The following POLI variants were observed in gnomAD, a reference collection of about 807,000 sequenced individuals.
POLI encodes DNA polymerase iota, also known as RAD30 homolog B.
Under a neutral mutation model 51.6 loss-of-function variants are expected in POLI, and 58 were observed. The observed-to-expected ratio is 1.12, with a 90% CI of 0.91 to 1.40. The LOEUF (loss-of-function observed/expected upper bound fraction) is 1.40, where lower values mean the gene tolerates loss of function less well. POLI is among the 40% of genes most tolerant of loss of function. The pLI is 0.00. For synonymous variants in POLI, 322 were observed against 299.7 expected (o/e 1.07, Z -0.77); for missense variants, 921 against 871.3 (o/e 1.06, Z -0.72).
At chr18:54,311,023 G>T (rs2088662747) in intron 3 of POLI, 1 of 767,548 alleles carries the variant, frequency 1.3e-6, no homozygotes, top group Non-Finnish European at 1.6e-6. Flanking sequence ...TTCCTGAAGT[G>T]CTAGGAAGGA....
chr18:54,306,515 G>T (rs1382773034), intron 3 of POLI, among the ~76,000 whole-genome samples: 1 of 148,166 alleles, frequency 6.7e-6, no homozygotes, highest in African/African-American at 2.5e-5. Context: ...TGTTCATCAG[G>T]GATATTGGTC....
At position 54,293,814 on chromosome 18, in the gene POLI, C is replaced by T. The variant is rs2088146536; in HGVS notation, c.1570C>T (p.Pro524Ser). Residue 524 changes from proline (P) to serine (S), a missense_variant, in exon 10 of 10, where the codon CCT becomes TCT. Pro to Ser is a moderately conservative substitution (Grantham distance 74). Transcript: ENST00000579534. ...DINEFPLCSL[P>S]EGVDQEVFKQ... ...TAATGAATTCCCACTCTGTTCACTT[C>T]CTGAAGGTGTTGACCAAGAAGTCTT... The T allele has an allele frequency of 1.2e-6, 2 of 1,609,094 alleles. No homozygotes were observed. Among genetic ancestry groups the T allele is most frequent in the East Asian group, 4.5e-5 (2 of 44,754 alleles).
Position 54,295,289 on chromosome 18 carries a change from C to G in POLI, c.*822C>G. 1 of 983,996 alleles carries G rather than the reference C, an allele frequency of 1.0e-6. No homozygotes were observed. Among genetic ancestry groups the G allele is most frequent in the Non-Finnish European group, 1.2e-6 (1 of 828,636 alleles). The allele number at this position is 983,996 out of a possible 1,614,324, so 61.0% of individuals were successfully genotyped here. Reference sequence around the variant, plus strand: ...CTGAGATGTTTTTGTATCTTCCCTACATTTGGAGATGATATTAGGTTGTCA... The same window carrying G: ...CTGAGATGTTTTTGTATCTTCCCTAGATTTGGAGATGATATTAGGTTGTCA... On this transcript the variant is annotated 3_prime_UTR_variant, in exon 10 of 10. Coordinates refer to ENST00000579534, the MANE Select transcript of POLI (RefSeq NM_007195.3).
At chr18:54,303,415 A>C (rs1288920053) in intron 3 of POLI, among the ~76,000 whole-genome samples, 7 of 152,126 alleles carry the variant, frequency 4.6e-5, no homozygotes, top group African/African-American at 1.7e-4. Flanking sequence ...TTTTCAACAA[A>C]GTCATTTTTA....
intron 6 of POLI, among the ~76,000 whole-genome samples, chr18:54,283,559 T>A (rs2087612071): frequency 6.6e-6 from 1 of 152,122 alleles, no homozygotes; most frequent in Non-Finnish European, 1.5e-5. Flanking sequence ...TTAGAAAGGT[T>A]AAATAACTTG....
chr18:54,294,386 TGAACTACCA>T lies in POLI; in HGVS notation c.2146_2154del (p.Leu716_Glu718del). On this transcript the variant is annotated inframe_deletion, in exon 10 of 10. Transcript: ENST00000579534. ...CTGACATTGATCCTCAAGTTTTCTA[TGAACTACCA>T]GAAGCAGTACAAAAGGAACTGCTGG... 3.7e-6 allele frequency: 6 copies of T among 1,613,554 alleles called. No homozygotes were observed. Among genetic ancestry groups the T allele is most frequent in the Non-Finnish European group, 5.1e-6 (6 of 1,179,650 alleles).
In POLI at chr18:54,274,021, T is replaced by G; in HGVS notation, c.337T>G (p.Cys113Gly). ...GAATGTCAGAGATGCAAAAGAAAAG[T>G]GTCCACAGTTGGTATTAGTTAATGG... ...LMNVRDAKEK[C>G]PQLVLVNGED... is the part of the protein sequence containing the mutation. The change falls in exon 3 of 10, where the codon TGT becomes GGT. Residue 113 changes from cysteine (C) to glycine (G), a missense_variant. By Grantham distance (159) the Cys-to-Gly change is radical. Transcript: ENST00000579534. 6.3e-7 allele frequency: 1 copy of G among 1,579,944 alleles called. No homozygotes were observed. Among genetic ancestry groups the G allele is most frequent in the Non-Finnish European group, 8.6e-7 (1 of 1,161,226 alleles).
rs582474 is a variant in POLI at position 54,269,749 on chromosome 18, G to T, written c.115+88G>T. On this transcript the variant is annotated intron_variant, in intron 1 of 9. Transcript: ENST00000579534. ...GGACGCTCGGGGCGGCGGCCACTGGGGCGCGACCGTCCCCGCCCCACTCGG... is the reference window on the plus strand; with the variant it reads ...GGACGCTCGGGGCGGCGGCCACTGGTGCGCGACCGTCCCCGCCCCACTCGG... 87,283 of 1,404,182 alleles carry T rather than the reference G, an allele frequency of 0.062. 2,981 individuals carry two copies. The highest frequency in any genetic ancestry group is 0.089 in the African/African-American group (5,827 of 65,724). 87.0% of individuals were successfully genotyped at this position (1,404,182 alleles called of 1,614,324 possible). A position where few individuals can be genotyped will look rare whatever the true frequency, so the allele number is the denominator to read the frequency against.
intron 3 of POLI, among the ~76,000 whole-genome samples, chr18:54,316,685 T>C (rs2088737704): frequency 1.3e-5 from 2 of 152,186 alleles, no homozygotes; most frequent in South Asian, 2.1e-4. Flanking sequence ...CTCAGAAAAC[T>C]GTTAGCAGAG....
chr18:54,288,901 A>T lies in POLI; in HGVS notation c.1198+1490A>T, dbSNP rs2087868133. Among the ~76,000 whole-genome samples the T allele has an allele frequency of 2.0e-5, 3 of 152,166 alleles. No homozygotes were observed. In the South Asian group the frequency reaches 6.2e-4, roughly 32 times the overall value. ...CATGGTTGTCTTTAATTCTTTGGACATATCTATAATAATGAATTTGAAGTC... is the reference window on the plus strand; with the variant it reads ...CATGGTTGTCTTTAATTCTTTGGACTTATCTATAATAATGAATTTGAAGTC... On this transcript the variant is annotated intron_variant, in intron 8 of 9. Coordinates refer to ENST00000579534, the MANE Select transcript of POLI (RefSeq NM_007195.3).
At chr18:54,306,442 A>G (rs980282746) in intron 3 of POLI, among the ~76,000 whole-genome samples, 5 of 152,152 alleles carry the variant, frequency 3.3e-5, no homozygotes, top group African/African-American at 1.2e-4. Flanking sequence ...ATCGTGGTGG[A>G]TAAGTTTTTG....
At chr18:54,285,956 A>G (rs1256244370) in intron 7 of POLI, among the ~76,000 whole-genome samples, 1 of 152,144 alleles carries the variant, frequency 6.6e-6, no homozygotes, top group Admixed American at 6.6e-5. Flanking sequence ...CTGCAGCCTC[A>G]GCCTCCTGGG....
Position 54,294,678 on chromosome 18 carries a change from T to C in POLI, c.*211T>C. ...AATGTAAAATACTATCTTTTATGTC[T>C]AAAGCCATTTTATATTACTTTTCAA... is the stretch of plus-strand genomic sequence containing the variant. On this transcript the variant is annotated 3_prime_UTR_variant, in exon 10 of 10. Transcript: ENST00000579534. 5 of 1,184,000 alleles carry C rather than the reference T, an allele frequency of 4.2e-6. No homozygotes were observed. The highest frequency in any genetic ancestry group is 5.3e-6 in the Non-Finnish European group (5 of 951,496). The allele number at this position is 1,184,000 out of a possible 1,614,324, so 73.3% of individuals were successfully genotyped here. A position where few individuals can be genotyped will look rare whatever the true frequency, so the allele number is the denominator to read the frequency against.
In POLI at chr18:54,297,992, T is replaced by C. The variant is rs1372992167; in HGVS notation, c.*3525T>C. ...TCTCTTGAGCTGTTCTAAGATAATA[T>C]CTTTTACTTTGGAGATACGCAGTTT... On this transcript the variant is annotated 3_prime_UTR_variant, in exon 10 of 10. Coordinates refer to ENST00000579534, the MANE Select transcript of POLI (RefSeq NM_007195.3). The C allele has an allele frequency of 2.0e-6, 2 of 980,768 alleles. No individual in the cohort carries two copies. Among genetic ancestry groups the C allele is most frequent in the Non-Finnish European group, 2.4e-6 (2 of 825,674 alleles). The allele number at this position is 980,768 out of a possible 1,614,324, so 60.8% of individuals were successfully genotyped here. A position where few individuals can be genotyped will look rare whatever the true frequency, so the allele number is the denominator to read the frequency against.
intron 8 of POLI, among the ~76,000 whole-genome samples, chr18:54,290,619 C>A (rs1382666580): frequency 1.3e-5 from 2 of 152,156 alleles, no homozygotes; most frequent in African/African-American, 4.8e-5. Context: ...GAAAACGTGT[C>A]ACATATACAT....
Position 54,294,557 on chromosome 18 carries a change from A to G in POLI, c.*90A>G, listed in dbSNP as rs2088206217. 1 of 1,423,954 alleles carries G rather than the reference A, an allele frequency of 7.0e-7. No individual in the cohort carries two copies. The allele number at this position is 1,423,954 out of a possible 1,614,324, so 88.2% of individuals were successfully genotyped here. On this transcript the variant is annotated 3_prime_UTR_variant, in exon 10 of 10. Coordinates refer to ENST00000579534, the MANE Select transcript of POLI (RefSeq NM_007195.3). ...AAGCTCTTCTATATTAAACACTAAT[A>G]GATATTCAATAACGGAGTAAACTGT...
Position 54,296,026 on chromosome 18 carries a change from T to C in POLI, c.*1559T>C, listed in dbSNP as rs2088310909. 1.0e-6 allele frequency: 1 copy of C among 984,872 alleles called. No individual in the cohort carries two copies. The highest frequency in any genetic ancestry group is 1.2e-6 in the Non-Finnish European group (1 of 829,418). 61.0% of individuals were successfully genotyped at this position (984,872 alleles called of 1,614,324 possible). A position where few individuals can be genotyped will look rare whatever the true frequency, so the allele number is the denominator to read the frequency against. On this transcript the variant is annotated 3_prime_UTR_variant, in exon 10 of 10. Transcript: ENST00000579534. ...GGTAGTTTGAGGTTATCAGGAACAG[T>C]AACTTGAAGCAAGAACATCAGAAAT...
In POLI at chr18:54,296,465, C is replaced by G; in HGVS notation, c.*1998C>G. 1 of 690,272 alleles carries G rather than the reference C, an allele frequency of 1.4e-6. No homozygotes were observed. Among genetic ancestry groups the G allele is most frequent in the African/African-American group, 1.9e-5 (1 of 51,378 alleles). 42.8% of individuals were successfully genotyped at this position (690,272 alleles called of 1,614,324 possible). A position where few individuals can be genotyped will look rare whatever the true frequency, so the allele number is the denominator to read the frequency against. On this transcript the variant is annotated 3_prime_UTR_variant, in exon 10 of 10. Coordinates refer to ENST00000579534, the MANE Select transcript of POLI (RefSeq NM_007195.3). ...TTTTCTTTGGTGCTTTGCAGGTTTACTGTATTATTTGGAAGTGCGAATTTA... is the reference window on the plus strand; with the variant it reads ...TTTTCTTTGGTGCTTTGCAGGTTTAGTGTATTATTTGGAAGTGCGAATTTA...
chr18:54,297,966 A>G lies in POLI; in HGVS notation c.*3499A>G. 1 of 981,658 alleles carries G rather than the reference A, an allele frequency of 1.0e-6. No individual in the cohort carries two copies. The highest frequency in any genetic ancestry group is 1.2e-6 in the Non-Finnish European group (1 of 826,540). The allele number at this position is 981,658 out of a possible 1,614,324, so 60.8% of individuals were successfully genotyped here. A position where few individuals can be genotyped will look rare whatever the true frequency, so the allele number is the denominator to read the frequency against. ...TTAGAGCTGTAGATTTAGAACTGAC[A>G]TCTCTTGAGCTGTTCTAAGATAATA... On this transcript the variant is annotated 3_prime_UTR_variant, in exon 10 of 10. Coordinates refer to ENST00000579534, the MANE Select transcript of POLI (RefSeq NM_007195.3).
Sources: gnomAD v4.1 joint callset for allele counts (sites outside exome capture counted in the v4.1 genomes callset) on GRCh38, gnomAD v4.1.1 for gene constraint, MANE v1.5 for transcripts, NCBI Gene and HGNC (gene_info 2026-07-23, HGNC 2026-07-21) for gene names.